Variants in MAP2 observed in about 807,000 individuals in gnomAD.
MAP2 encodes the protein microtubule associated protein 2.
A neutral mutation model predicts 137.6 loss-of-function variants in MAP2; 14 were observed. The ratio of observed to expected loss-of-function variants is 0.10; its 90% confidence interval spans 0.07 to 0.16. MAP2 has a LOEUF of 0.16. Among genes scored for constraint, MAP2 ranks in the 10% least tolerant of loss-of-function variants. The pLI is 1.00. For synonymous variants in MAP2, 786 were observed against 782.3 expected (o/e 1.00, Z -0.08); for missense variants, 2,088 against 2,191.5 (o/e 0.95, Z 0.94).
chr2:209,632,310 C>CA (rs1471644772), intron 4 of MAP2, among the ~76,000 whole-genome samples: 2 of 151,832 alleles, frequency 1.3e-5, no homozygotes, highest in African/African-American at 4.8e-5. Context: ...AGAATAATGC[C>CA]AGAAAAGAGC....
intron 2 of MAP2, among the ~76,000 whole-genome samples, chr2:209,548,240 A>G (rs1290242581): frequency 2.0e-5 from 3 of 152,214 alleles, no homozygotes; most frequent in Admixed American, 6.5e-5. Flanking sequence ...AGGCAGTCCT[A>G]CAAGGAAACA....
At chr2:209,637,457 A>G (rs1244762870) in intron 4 of MAP2, among the ~76,000 whole-genome samples, 1 of 152,052 alleles carries the variant, frequency 6.6e-6, no homozygotes, top group Non-Finnish European at 1.5e-5. Context: ...AGATAAGACA[A>G]GATAAGGTGA....
At chr2:209,601,936 G>C (rs1203610311) in intron 3 of MAP2, among the ~76,000 whole-genome samples, 2 of 152,154 alleles carry the variant, frequency 1.3e-5, no homozygotes, top group Non-Finnish European at 2.9e-5. Flanking sequence ...AAAGGAGGCT[G>C]TTTACTTGTG....
At chr2:209,465,048 C>A (rs1278518607) in intron 1 of MAP2, among the ~76,000 whole-genome samples, 3 of 152,188 alleles carry the variant, frequency 2.0e-5, no homozygotes, top group Non-Finnish European at 4.4e-5. Context: ...TAGACTATGA[C>A]CATTCCCCCA....
At chr2:209,628,135 G>A (rs2092594278) in intron 4 of MAP2, among the ~76,000 whole-genome samples, 1 of 152,042 alleles carries the variant, frequency 6.6e-6, no homozygotes, top group African/African-American at 2.4e-5. Flanking sequence ...GGGAGGCCGA[G>A]GCAGACAGAT....
intron 1 of MAP2, among the ~76,000 whole-genome samples, chr2:209,484,558 C>G (rs769609612): frequency 1.9e-4 from 29 of 152,102 alleles, no homozygotes; most frequent in Non-Finnish European, 3.4e-4. Flanking sequence ...GGCGTGGTTG[C>G]AGGCGCCTGT....
chr2:209,731,909 A>T lies in MAP2; in HGVS notation c.*1512A>T, dbSNP rs569854104. On this transcript the variant is annotated 3_prime_UTR_variant, in exon 16 of 16. Coordinates refer to ENST00000682079, the MANE Select transcript of MAP2 (RefSeq NM_001375505.1). ...AACACACTGTGATCTAGTATTATTTATCAGTAGATAATACTGTTCTGACTG... is the reference window on the plus strand; with the variant it reads ...AACACACTGTGATCTAGTATTATTTTTCAGTAGATAATACTGTTCTGACTG... 20 of 152,322 alleles carry T rather than the reference A, an allele frequency of 1.3e-4. No homozygotes were observed. Among genetic ancestry groups the T allele is most frequent in the African/African-American group, 4.8e-4 (20 of 41,564 alleles). 9.4% of individuals were successfully genotyped at this position (152,322 alleles called of 1,614,324 possible).
chr2:209,626,279 G>A (rs1018382992), intron 4 of MAP2, among the ~76,000 whole-genome samples: 1 of 152,104 alleles, frequency 6.6e-6, no homozygotes, highest in Non-Finnish European at 1.5e-5. Flanking sequence ...GCCAGGTATG[G>A]TGGTGGGCAC....
chr2:209,651,394 C>T (rs1256626288), intron 4 of MAP2, among the ~76,000 whole-genome samples: 1 of 152,046 alleles, frequency 6.6e-6, no homozygotes, highest in Admixed American at 6.6e-5. Flanking sequence ...TTTTCAGGCT[C>T]CTATTCCTAT....
At chr2:209,526,456 G>T (rs1490011285) in intron 2 of MAP2, among the ~76,000 whole-genome samples, 1 of 151,502 alleles carries the variant, frequency 6.6e-6, no homozygotes, top group Non-Finnish European at 1.5e-5. Context: ...GGGAGGCTGA[G>T]AGACCTTTCT....
At chr2:209,696,809 C>CTGA in intron 9 of MAP2, 61 bp downstream of exon 9, 1 of 1,554,268 alleles carries the variant, frequency 6.4e-7, no homozygotes, top group African/African-American at 1.4e-5. Flanking sequence ...TACTTTTTTG[C>CTGA]AGAACTGCCT....
At chr2:209,645,743 G>T (rs1376338300) in intron 4 of MAP2, among the ~76,000 whole-genome samples, 1 of 152,148 alleles carries the variant, frequency 6.6e-6, no homozygotes, top group African/African-American at 2.4e-5. Context: ...TTTCAGAAAA[G>T]ATTTGATAAC....
intron 12 of MAP2, among the ~76,000 whole-genome samples, chr2:209,708,062 G>C (rs982788903): frequency 6.6e-6 from 1 of 152,132 alleles, no homozygotes; most frequent in South Asian, 2.1e-4. Flanking sequence ...ATACAGGGAT[G>C]ATCCCTCTCC....
At chr2:209,426,492 T>G (rs528879882) in intron 1 of MAP2, among the ~76,000 whole-genome samples, 11 of 152,304 alleles carry the variant, frequency 7.2e-5, no homozygotes, top group African/African-American at 2.6e-4. Flanking sequence ...GCAGCACCTC[T>G]CAGGATGACT....
At chr2:209,505,966 T>G (rs1187950542) in intron 1 of MAP2, among the ~76,000 whole-genome samples, 2 of 151,944 alleles carry the variant, frequency 1.3e-5, no homozygotes, top group Non-Finnish European at 2.9e-5. Context: ...AGTGAGACCC[T>G]GTCTCAAAAA....
intron 4 of MAP2, among the ~76,000 whole-genome samples, chr2:209,625,516 G>A (rs1296224830): frequency 3.3e-5 from 5 of 152,062 alleles, no homozygotes; most frequent in East Asian, 1.9e-4. Context: ...GTTCTATGAC[G>A]TAGATATGGG....
intron 2 of MAP2, among the ~76,000 whole-genome samples, chr2:209,537,343 G>A (rs548827071): frequency 5.3e-4 from 81 of 152,162 alleles, no homozygotes; most frequent in African/African-American, 1.9e-3. Flanking sequence ...TTCCATATAA[G>A]TTGAATTAAT....
intron 1 of MAP2, among the ~76,000 whole-genome samples, chr2:209,439,707 A>AT (rs1697283203): frequency 6.6e-6 from 1 of 151,528 alleles, no homozygotes; most frequent in Admixed American, 6.6e-5. Context: ...CATATCACTT[A>AT]TTGGTCACAT....
intron 7 of MAP2, among the ~76,000 whole-genome samples, chr2:209,691,375 C>G (rs570296905): frequency 6.6e-6 from 1 of 152,034 alleles, no homozygotes; most frequent in Non-Finnish European, 1.5e-5. Context: ...CTTCTCATAT[C>G]ATTTTCTCCC....
Sources: allele counts gnomAD v4.1 joint callset (sites outside exome capture counted in the v4.1 genomes callset), GRCh38; gene constraint gnomAD v4.1.1; transcripts MANE v1.5; gene names NCBI Gene and HGNC (gene_info 2026-07-23, HGNC 2026-07-21).